MDFI: variants seen among roughly 807,000 people sequenced by gnomAD.
MDFI encodes the protein inhibitor of MyoD family a.
MDFI carries 16 observed loss-of-function variants against 22.3 expected under a neutral mutation model. The ratio of observed to expected loss-of-function variants is 0.72; its 90% CI spans 0.49 to 1.09. The LOEUF is 1.09. Ranked by LOEUF, MDFI falls within the 50% of genes least tolerant of loss-of-function variation. MDFI has a pLI of 0.00. For missense variants in MDFI, 314 were observed against 326.1 expected, an observed-to-expected ratio of 0.96 and a Z score of 0.29; for synonymous variants, 145 against 142.7, an observed-to-expected ratio of 1.02 and a Z score of -0.12.
Position 41,638,849 on chromosome 6 carries a change from A to G in MDFI, c.76+24A>G. 2.6e-6 allele frequency: 4 copies of G among 1,538,870 alleles called. No individual in the cohort carries two copies. In the South Asian group the frequency reaches 3.6e-5, roughly 14 times the overall value. On this transcript the variant is annotated intron_variant, in intron 2 of 4. Transcript: ENST00000230321. This position sits in a 1 kb window ranked among gnomAD's most constrained non-coding sequence, Gnocchi z 7.6. ...AGGTAGGACCGGGAGTGGCGAGCGA[A>G]GCTGGACAGGGGCGGGTGGGCGGCT... is the stretch of plus-strand genomic sequence containing the variant.
chr6:41,646,892 G>C (rs1009369969), intron 3 of MDFI, among the ~76,000 whole-genome samples: 2 of 152,106 alleles, frequency 1.3e-5, no homozygotes, highest in African/African-American at 4.8e-5. Context: ...CCCTGAGTGG[G>C]CTCACTTGCT....
At position 41,650,053 on chromosome 6, in the gene MDFI, G is replaced by A. The variant is rs913980944; in HGVS notation, c.484+210G>A. The A allele has an allele frequency of 3.9e-5, 22 of 564,068 alleles. No individual in the cohort carries two copies. In the African/African-American group the frequency reaches 4.0e-4, roughly 10 times the overall value. 34.9% of individuals were successfully genotyped at this position (564,068 alleles called of 1,614,324 possible). The stretch of plus-strand genomic sequence containing the variant: ...ACGCATGACCAAATCTTAGAACCTT[G>A]CAAAGTACACCCGTTGGGTAAAGGT... On this transcript the variant is annotated intron_variant, in intron 4 of 4. Transcript: ENST00000230321.
At chr6:41,639,770 A>G in intron 2 of MDFI, 1 of 985,350 alleles carries the variant, frequency 1.0e-6, no homozygotes, top group Non-Finnish European at 1.2e-6. Flanking sequence ...GACTCTGAAT[A>G]ATGAAGGTCT....
At chr6:41,652,100 C>A (rs1484183989) in intron 4 of MDFI, among the ~76,000 whole-genome samples, 1 of 152,146 alleles carries the variant, frequency 6.6e-6, no homozygotes, top group East Asian at 1.9e-4. Flanking sequence ...TAGGGCCGGG[C>A]AGGGAGTGTG....
intron 3 of MDFI, among the ~76,000 whole-genome samples, chr6:41,648,936 G>T (rs1768156631): frequency 6.6e-6 from 1 of 152,152 alleles, no homozygotes; most frequent in Non-Finnish European, 1.5e-5. Flanking sequence ...GGCTTCAGGG[G>T]TCTCCCCACT....
At position 41,638,701 on chromosome 6, in the gene MDFI, C is replaced by T; in HGVS notation, c.-11-38C>T. 5 of 1,535,188 alleles carry T rather than the reference C, an allele frequency of 3.3e-6. No individual in the cohort carries two copies. The highest frequency in any genetic ancestry group is 1.2e-5 in the South Asian group (1 of 83,868). On this transcript the variant is annotated intron_variant, in intron 1 of 4. Transcript: ENST00000230321. This position sits in a 1 kb window ranked among gnomAD's most constrained non-coding sequence, Gnocchi z 7.6. ...ATCTGCGGGGGAATCGCCCCTTGCCCGCCTCCGGCGCCGCCCGCTGAGCCC... is the reference window on the plus strand; with the variant it reads ...ATCTGCGGGGGAATCGCCCCTTGCCTGCCTCCGGCGCCGCCCGCTGAGCCC...
At position 41,649,706 on chromosome 6, in the gene MDFI, C is replaced by T. The variant is rs150152866; in HGVS notation, c.347C>T (p.Ala116Val). ...HPSELGGTRR[A>V]GNGALGGPKA... ...TCAGAGCTGGGCGGCACCAGACGGG[C>T]GGGGAATGGTGCCCTGGGTGGCCCC... Residue 116 changes from alanine to valine, a missense_variant, in exon 4 of 5, where the codon GCG becomes GTG. Coordinates refer to ENST00000230321, the MANE Select transcript of MDFI (RefSeq NM_005586.4). 48 of 1,613,870 alleles carry T rather than the reference C, an allele frequency of 3.0e-5. No individual in the cohort carries two copies. The highest frequency in any genetic ancestry group is 1.5e-4 in the African/African-American group (11 of 74,936).
At chr6:41,651,355 C>G (rs1292978256) in intron 4 of MDFI, among the ~76,000 whole-genome samples, 1 of 149,136 alleles carries the variant, frequency 6.7e-6, no homozygotes, top group African/African-American at 2.5e-5. Context: ...CACACCAGCC[C>G]AGAAATCTGG....
Position 41,638,742 on chromosome 6 carries a change from C to T in MDFI, c.-8C>T, listed in dbSNP as rs745443182. The T allele has an allele frequency of 9.0e-6, 14 of 1,563,518 alleles. No individual in the cohort carries two copies. The highest frequency in any genetic ancestry group is 4.7e-5 in the East Asian group (2 of 42,754). On this transcript the variant is annotated 5_prime_UTR_variant, in exon 2 of 5. Coordinates refer to ENST00000230321, the MANE Select transcript of MDFI (RefSeq NM_005586.4). The surrounding 1 kb of genome is among the most constrained non-coding windows in gnomAD (Gnocchi z 7.6). Reference sequence around the variant, plus strand: ...CGCTGAGCCCTGTTTTCCGCAGGTCCGGGGCCGATGTACCAGGTGAGCGGC... The same window carrying T: ...CGCTGAGCCCTGTTTTCCGCAGGTCTGGGGCCGATGTACCAGGTGAGCGGC...
At chr6:41,648,618 C>T (rs192402101) in intron 3 of MDFI, among the ~76,000 whole-genome samples, 3 of 152,266 alleles carry the variant, frequency 2.0e-5, no homozygotes, top group Admixed American at 2.0e-4. Flanking sequence ...AAGTGCCCCC[C>T]ACATTTACAG....
chr6:41,639,503 T>C, intron 2 of MDFI: 1 of 985,416 alleles, frequency 1.0e-6, no homozygotes, highest in Non-Finnish European at 1.2e-6. Flanking sequence ...CAAGTACGGT[T>C]TGTGACTCCC....
chr6:41,649,705 G>A lies in MDFI; in HGVS notation c.346G>A (p.Ala116Thr), dbSNP rs745765216. 5 of 1,614,064 alleles carry A rather than the reference G, an allele frequency of 3.1e-6. No homozygotes were observed. The highest frequency in any genetic ancestry group is 1.6e-4 in the Middle Eastern group (1 of 6,062). Residue 116 changes from alanine (A) to threonine (T), a missense_variant, in exon 4 of 5, where the codon GCG (alanine) becomes ACG (threonine). Coordinates refer to ENST00000230321, the MANE Select transcript of MDFI (RefSeq NM_005586.4). The part of the protein sequence containing the change: ...HPSELGGTRR[A>T]GNGALGGPKA... ...CTCAGAGCTGGGCGGCACCAGACGG[G>A]CGGGGAATGGTGCCCTGGGTGGCCC...
At chr6:41,647,556 G>T (rs1213708814) in intron 3 of MDFI, among the ~76,000 whole-genome samples, 2 of 152,130 alleles carry the variant, frequency 1.3e-5, no homozygotes, top group Non-Finnish European at 2.9e-5. Context: ...CTTGCTGGAG[G>T]CTCCCAGCAT....
In MDFI at chr6:41,653,624, G is replaced by C. The variant is rs1226890791; in HGVS notation, c.*49G>C. 6.3e-7 allele frequency: 1 copy of C among 1,592,298 alleles called. No individual in the cohort carries two copies. The highest frequency in any genetic ancestry group is 8.5e-7 in the Non-Finnish European group (1 of 1,175,280). On this transcript the variant is annotated 3_prime_UTR_variant, in exon 5 of 5. Coordinates refer to ENST00000230321, the MANE Select transcript of MDFI (RefSeq NM_005586.4). This position sits in a 1 kb window ranked among gnomAD's most constrained non-coding sequence, Gnocchi z 4.2. ...CCTGGCGCCCCTGCAGATTCCAGCA[G>C]GGTCCCTCTGAGTGGGGCCAGGCCC... is the stretch of plus-strand genomic sequence containing the variant.
At chr6:41,647,618 C>A in intron 3 of MDFI, among the ~76,000 whole-genome samples, 1 of 146,524 alleles carries the variant, frequency 6.8e-6, no homozygotes. Flanking sequence ...CCCACCTTGT[C>A]CTCAGCTCCT....
chr6:41,646,512 G>A (rs1463375806), intron 3 of MDFI, among the ~76,000 whole-genome samples: 1 of 152,202 alleles, frequency 6.6e-6, no homozygotes, highest in Admixed American at 6.5e-5. Context: ...TAGGAAGCAG[G>A]GAGTGTGGGC....
upstream of MDFI, among the ~76,000 whole-genome samples, chr6:41,637,689 C>T (rs1345581087): frequency 6.6e-6 from 1 of 152,134 alleles, no homozygotes; most frequent in African/African-American, 2.4e-5. The surrounding 1 kb of genome is among the most constrained non-coding windows in gnomAD (Gnocchi z 6.8). Flanking sequence ...ACGCGCCGCC[C>T]GGCTGGCCCC....
intron 2 of MDFI, chr6:41,639,219 T>A (rs1266223057): frequency 8.1e-6 from 8 of 984,958 alleles, no homozygotes; most frequent in Non-Finnish European, 7.2e-6. Flanking sequence ...GTCTGAATCT[T>A]TCTCTACTTC....
chr6:41,645,819 T>C (rs1000649943), intron 2 of MDFI, among the ~76,000 whole-genome samples: 4 of 81,852 alleles, frequency 4.9e-5, no homozygotes, highest in African/African-American at 1.6e-4. Context: ...TGTTCTCCCG[T>C]GTTGTGTTTC....
Sources: gnomAD v4.1 joint callset for allele counts (sites outside exome capture counted in the v4.1 genomes callset) on GRCh38, gnomAD v4.1.1 for gene constraint, Gnocchi (gnomAD v3.1) non-coding constraint, MANE v1.5 for transcripts, NCBI Gene and HGNC (gene_info 2026-07-23, HGNC 2026-07-21) for gene names.